Variants in FAM133B observed in about 807,000 individuals in gnomAD.
FAM133B encodes protein FAM133B.
Under a neutral mutation model 46.4 loss-of-function variants are expected in FAM133B, and 25 were observed. The observed-to-expected ratio is 0.54, with a 90% CI of 0.39 to 0.75. The LOEUF (loss-of-function observed/expected upper bound fraction) is 0.75, where lower values mean the gene tolerates loss of function less well. Among genes scored for constraint, FAM133B ranks in the 30% least tolerant of loss-of-function variants. The pLI is 0.00. For synonymous variants in FAM133B, 75 were observed against 86.0 expected (o/e 0.87, Z 0.71); for missense variants, 205 against 277.6 (o/e 0.74, Z 1.86).
intron 1 of FAM133B, among the ~76,000 whole-genome samples, chr7:92,586,356 T>C (rs946661296): frequency 6.6e-6 from 1 of 152,230 alleles, no homozygotes; most frequent in South Asian, 2.1e-4. Context: ...CAACAATACT[T>C]TTCTTTAAAA....
intron 9 of FAM133B, chr7:92,569,474 T>C (rs1202818524): frequency 6.4e-6 from 1 of 156,800 alleles, no homozygotes; most frequent in African/African-American, 2.4e-5. Flanking sequence ...GTATATGCAA[T>C]GTTCTATTTT....
chr7:92,587,007 T>A (rs926243036), intron 1 of FAM133B, among the ~76,000 whole-genome samples: 1 of 152,194 alleles, frequency 6.6e-6, no homozygotes, highest in Non-Finnish European at 1.5e-5. Context: ...TCGATGTAGG[T>A]TCATGAAATG....
intron 7 of FAM133B, 164 bp from the exon 8 acceptor site, chr7:92,575,985 A>G: frequency 2.8e-6 from 1 of 361,038 alleles, no homozygotes; most frequent in Admixed American, 4.6e-5. Context: ...TTATGTATAC[A>G]TTTGCTTGTA....
At chr7:92,563,176 G>C (rs1028925892) in intron 10 of FAM133B, among the ~76,000 whole-genome samples, 7 of 152,174 alleles carry the variant, frequency 4.6e-5, no homozygotes, top group African/African-American at 1.7e-4. Context: ...AGACCTATAA[G>C]GATGGTAACA....
chr7:92,583,541 T>C (rs1375162150), intron 1 of FAM133B, among the ~76,000 whole-genome samples: 2 of 152,094 alleles, frequency 1.3e-5, no homozygotes, highest in African/African-American at 4.8e-5. Context: ...AGCAGAAAAA[T>C]ATTTTAGAGA....
Position 92,575,783 on chromosome 7 carries a change from A to G in FAM133B, c.504T>C (p.Thr168=). The part of the protein sequence containing the change: ...LKKKKKSKDG[T]EKEKDIKGLS... ...AAAGTATAGTTACCTTTTCTTTCTCAGTTCCATCTTTTGACTTCTTTTTCT... is the reference window on the plus strand; with the variant it reads ...AAAGTATAGTTACCTTTTCTTTCTCGGTTCCATCTTTTGACTTCTTTTTCT... Residue 168 remains threonine (T), a synonymous_variant, in exon 8 of 11, where the codon ACT becomes ACC. Transcript: ENST00000445716. The G allele has an allele frequency of 7.3e-7, 1 of 1,378,730 alleles. No individual in the cohort carries two copies. The highest frequency in any genetic ancestry group is 1.2e-5 in the South Asian group (1 of 85,042). 85.4% of individuals were successfully genotyped at this position (1,378,730 alleles called of 1,614,324 possible).
At chr7:92,568,524 A>AT (rs745580425) in intron 9 of FAM133B, among the ~76,000 whole-genome samples, 18,500 of 118,162 alleles carry the variant, frequency 0.16, 1,785 homozygotes, top group East Asian at 0.32. Flanking sequence ...CGCCTGGCTA[A>AT]TTTTTTTTTT....
At chr7:92,579,287 C>T in intron 3 of FAM133B, 30 bp downstream of exon 3, 1 of 1,587,058 alleles carries the variant, frequency 6.3e-7, no homozygotes, top group Non-Finnish European at 8.6e-7. Context: ...CCAAATTAGT[C>T]TATTTTTTTA....
At chr7:92,590,043 G>A (rs1795151026) in intron 1 of FAM133B, 4 of 616,144 alleles carry the variant, frequency 6.5e-6, no homozygotes, top group Admixed American at 3.0e-5. Context: ...GAGCGACGAG[G>A]TGAGGGAAGA....
At chr7:92,579,269 A>C (rs376253922) in intron 3 of FAM133B, 48 bp downstream of exon 3, 245 of 1,525,562 alleles carry the variant, frequency 1.6e-4, no homozygotes, top group Non-Finnish European at 1.7e-4. Flanking sequence ...ATGAGCCACC[A>C]TAACTGGCCA....
Position 92,566,061 on chromosome 7 carries a change from C to T in FAM133B, c.610G>A (p.Val204Met), listed in dbSNP as rs781392045. 1.2e-6 allele frequency: 2 copies of T among 1,613,400 alleles called. No homozygotes were observed. Among genetic ancestry groups the T allele is most frequent in the Non-Finnish European group, 8.5e-7 (1 of 1,179,808 alleles). Residue 204 changes from valine (V) to methionine (M), a missense_variant and splice_region_variant, in exon 10 of 11, where the codon GTG (valine) becomes ATG (methionine). Coordinates refer to ENST00000445716, the MANE Select transcript of FAM133B (RefSeq NM_152789.4). ...SLSESEYIEE[V>M]RAKKKKSSEE... ...CTGCTTTTCTTCTTTTTTGCTCGCACCTAGAAAGTTTAAATTTTTGTGGAG... is the reference window on the plus strand; with the variant it reads ...CTGCTTTTCTTCTTTTTTGCTCGCATCTAGAAAGTTTAAATTTTTGTGGAG...
rs973318969 is a variant in FAM133B at position 92,561,081 on chromosome 7, T to G, written c.*1201A>C. On this transcript the variant is annotated 3_prime_UTR_variant, in exon 11 of 11. Transcript: ENST00000445716. ...AAACTTAACTTGTCATAATTTGTTATTAATATACAAAGACAACAAACTTTT... is the reference window on the plus strand; with the variant it reads ...AAACTTAACTTGTCATAATTTGTTAGTAATATACAAAGACAACAAACTTTT... The G allele has an allele frequency of 1.3e-5, 2 of 152,602 alleles. No homozygotes were observed. Among genetic ancestry groups the G allele is most frequent in the Admixed American group, 1.3e-4 (2 of 15,268 alleles). The allele number at this position is 152,602 out of a possible 1,614,324, so 9.5% of individuals were successfully genotyped here.
At chr7:92,585,426 G>A (rs1795012112) in intron 1 of FAM133B, 1 of 918,874 alleles carries the variant, frequency 1.1e-6, no homozygotes, top group South Asian at 5.0e-5. Flanking sequence ...GGTTAGAATT[G>A]TAAAAACTGT....
At chr7:92,587,613 G>C (rs1343594694) in intron 1 of FAM133B, among the ~76,000 whole-genome samples, 1 of 152,066 alleles carries the variant, frequency 6.6e-6, no homozygotes. Context: ...ACACACCTGT[G>C]GTCCCAGCTA....
chr7:92,570,416 T>G (rs1794493098), intron 8 of FAM133B, among the ~76,000 whole-genome samples: 1 of 152,018 alleles, frequency 6.6e-6, no homozygotes, highest in Admixed American at 6.6e-5. Context: ...AAAAAGTGAG[T>G]AACTCTGGAG....
At chr7:92,585,605 T>A (rs1413026433) in intron 1 of FAM133B, among the ~76,000 whole-genome samples, 3 of 152,126 alleles carry the variant, frequency 2.0e-5, no homozygotes, top group Non-Finnish European at 4.4e-5. Flanking sequence ...ATGAAGTAGA[T>A]CCATAGTTCC....
rs546209950 is a variant in FAM133B, at chr7:92,581,677, A to G, written c.25-74T>C. 5 of 1,128,972 alleles carry G rather than the reference A, an allele frequency of 4.4e-6. No individual in the cohort carries two copies. The South Asian group carries it at 6.4e-5, about 14-fold the overall frequency. 69.9% of individuals were successfully genotyped at this position (1,128,972 alleles called of 1,614,324 possible). A position where few individuals can be genotyped will look rare whatever the true frequency, so the allele number is the denominator to read the frequency against. ...CAAAACCTCACTTACTCATCAAGTAATCTTTACTATAAATGCATAATATAT... is the reference window on the plus strand; with the variant it reads ...CAAAACCTCACTTACTCATCAAGTAGTCTTTACTATAAATGCATAATATAT... On this transcript the variant is annotated intron_variant, in intron 1 of 10. Transcript: ENST00000445716.
intron 1 of FAM133B, among the ~76,000 whole-genome samples, chr7:92,589,632 T>C (rs568912345): frequency 1.1e-4 from 17 of 152,302 alleles, no homozygotes; most frequent in African/African-American, 4.1e-4. Flanking sequence ...CAGTTTTGTG[T>C]TGGACTCGAA....
At position 92,577,138 on chromosome 7, in the gene FAM133B, C is replaced by G. The variant is rs997294321; in HGVS notation, c.430G>C (p.Glu144Gln). The G allele has an allele frequency of 5.3e-6, 8 of 1,501,824 alleles. No homozygotes were observed. The highest frequency in any genetic ancestry group is 7.1e-6 in the Non-Finnish European group (8 of 1,123,060). 93.0% of individuals were successfully genotyped at this position (1,501,824 alleles called of 1,614,324 possible). A position where few individuals can be genotyped will look rare whatever the true frequency, so the allele number is the denominator to read the frequency against. Reference protein sequence around the residue: ...KKKNRSHKSSESSMSETESDS... With the variant: ...KKKNRSHKSSQSSMSETESDS... ...GATTCAGTTTCTGACATGGAGCTTT[C>G]AGAAGATTTATGTGAACGGTTCTTC... The change falls in exon 7 of 11, where the codon GAA becomes CAA. Residue 144 changes from glutamate to glutamine, a missense_variant. Glu to Gln is a conservative substitution (Grantham distance 29). Transcript: ENST00000445716.
Sources: gnomAD v4.1 joint callset for allele counts (sites outside exome capture counted in the v4.1 genomes callset) on GRCh38, gnomAD v4.1.1 for gene constraint, MANE v1.5 for transcripts, NCBI Gene and HGNC (gene_info 2026-07-23, HGNC 2026-07-21) for gene names.